SLC35F1: variants seen among roughly 807,000 people sequenced by gnomAD.
SLC35F1 encodes solute carrier family 35 member F1.
SLC35F1 carries 14 observed loss-of-function variants against 48.7 expected under a neutral mutation model. The ratio of observed to expected loss-of-function variants is 0.29; its 90% CI spans 0.19 to 0.45. SLC35F1 has a LOEUF of 0.45. Ranked by LOEUF, SLC35F1 falls within the 20% of genes least tolerant of loss-of-function variation. The pLI, the probability that SLC35F1 is intolerant of heterozygous loss-of-function variation, is 1.00. For missense variants in SLC35F1, 404 were observed against 500.0 expected, an observed-to-expected ratio of 0.81 and a Z score of 1.83; for synonymous variants, 190 against 202.2, an observed-to-expected ratio of 0.94 and a Z score of 0.51.
intron 3 of SLC35F1, among the ~76,000 whole-genome samples, chr6:118,259,510 A>T (rs946107264): frequency 1.3e-5 from 2 of 152,090 alleles, no homozygotes; most frequent in Non-Finnish European, 2.9e-5. Flanking sequence ...AAATGATTAA[A>T]ATAGTACTTT....
At chr6:117,983,434 G>A (rs111609365) in intron 1 of SLC35F1, among the ~76,000 whole-genome samples, 3,338 of 152,204 alleles carry the variant, frequency 0.022, 131 homozygotes, top group African/African-American at 0.075. Context: ...AAAATTAGTC[G>A]GGTGTGGTGG....
At chr6:118,001,637 A>G (rs1777096522) in intron 1 of SLC35F1, among the ~76,000 whole-genome samples, 1 of 152,072 alleles carries the variant, frequency 6.6e-6, no homozygotes, top group African/African-American at 2.4e-5. Flanking sequence ...GCACAGCAAA[A>G]GAAACTACCA....
chr6:118,299,007 T>C (rs1187461730), intron 7 of SLC35F1, among the ~76,000 whole-genome samples: 4 of 152,032 alleles, frequency 2.6e-5, no homozygotes, highest in Non-Finnish European at 5.9e-5. Context: ...ACACCTCATC[T>C]CTACAAACAT....
intron 1 of SLC35F1, among the ~76,000 whole-genome samples, chr6:118,042,961 T>C (rs1350335201): frequency 6.6e-6 from 1 of 152,160 alleles, no homozygotes; most frequent in Non-Finnish European, 1.5e-5. Flanking sequence ...TAACAGGTCA[T>C]GTTGGAAATT....
chr6:118,061,613 A>G (rs533697641), intron 1 of SLC35F1, among the ~76,000 whole-genome samples: 1 of 121,698 alleles, frequency 8.2e-6, no homozygotes, highest in South Asian at 2.4e-4. Context: ...TATGTTTGGT[A>G]TCTTCTTATA....
chr6:118,169,089 C>T (rs956125821), intron 2 of SLC35F1, among the ~76,000 whole-genome samples: 9 of 152,182 alleles, frequency 5.9e-5, no homozygotes, highest in African/African-American at 1.9e-4. Context: ...ATTACCATAT[C>T]ATAGTATTCT....
At chr6:118,184,734 G>A (rs539361768) in intron 2 of SLC35F1, among the ~76,000 whole-genome samples, 30 of 152,294 alleles carry the variant, frequency 2.0e-4, no homozygotes, top group African/African-American at 7.2e-4. Flanking sequence ...GAACTTCGGG[G>A]CACATCCAGA....
At chr6:117,953,308 T>G (rs900278840) in intron 1 of SLC35F1, among the ~76,000 whole-genome samples, 1 of 152,202 alleles carries the variant, frequency 6.6e-6, no homozygotes, top group East Asian at 1.9e-4. Context: ...ATGTTGACAT[T>G]TTCTTACACA....
chr6:118,072,192 G>A (rs1208655677), intron 1 of SLC35F1, among the ~76,000 whole-genome samples: 1 of 152,148 alleles, frequency 6.6e-6, no homozygotes, highest in African/African-American at 2.4e-5. Flanking sequence ...AGATGGTTAT[G>A]TTTAATTTCC....
intron 3 of SLC35F1, among the ~76,000 whole-genome samples, chr6:118,250,253 C>T (rs771758905): frequency 3.9e-5 from 6 of 152,130 alleles, no homozygotes; most frequent in Non-Finnish European, 8.8e-5. Context: ...TCACCACTGA[C>T]GTAACTAATT....
chr6:117,914,044 C>G (rs1273317354), intron 1 of SLC35F1, among the ~76,000 whole-genome samples: 1 of 152,000 alleles, frequency 6.6e-6, no homozygotes, highest in African/African-American at 2.4e-5. Context: ...GAGTGAAACT[C>G]CATCTCAAAA....
At chr6:118,275,667 T>C (rs745668326) in intron 5 of SLC35F1, 52 bp downstream of exon 5, 2 of 1,552,960 alleles carry the variant, frequency 1.3e-6, no homozygotes, top group Non-Finnish European at 1.8e-6. Flanking sequence ...TCAAGACTTA[T>C]TCTTACAATT....
At chr6:117,938,839 A>G (rs965940884) in intron 1 of SLC35F1, among the ~76,000 whole-genome samples, 6 of 151,836 alleles carry the variant, frequency 4.0e-5, no homozygotes, top group Non-Finnish European at 5.9e-5. Flanking sequence ...ACTGAATGCT[A>G]TCCCCCTCCC....
chr6:117,934,453 T>C (rs564356678), intron 1 of SLC35F1, among the ~76,000 whole-genome samples: 110 of 152,338 alleles, frequency 7.2e-4, no homozygotes, highest in African/African-American at 2.5e-3. Flanking sequence ...TTTTTAGATA[T>C]ACTTAATAGT....
chr6:118,110,126 G>T (rs1009864993), intron 1 of SLC35F1, among the ~76,000 whole-genome samples: 1 of 152,128 alleles, frequency 6.6e-6, no homozygotes, highest in African/African-American at 2.4e-5. Context: ...ATCTCTTGGT[G>T]GCTTTTATAA....
intron 3 of SLC35F1, among the ~76,000 whole-genome samples, 183 bp from the exon 4 acceptor site, chr6:118,266,812 A>G (rs1261111108): frequency 6.6e-6 from 1 of 152,208 alleles, no homozygotes; most frequent in Non-Finnish European, 1.5e-5. Context: ...TAAGTAAATA[A>G]ATAAAGCTAA....
chr6:117,917,824 T>C (rs903739956), intron 1 of SLC35F1, among the ~76,000 whole-genome samples: 3 of 121,078 alleles, frequency 2.5e-5, no homozygotes, highest in Non-Finnish European at 5.9e-5. Context: ...CCTGGATGCA[T>C]GTGTAGATAG....
intron 1 of SLC35F1, among the ~76,000 whole-genome samples, chr6:118,127,823 A>G (rs1324883204): frequency 2.0e-5 from 3 of 151,172 alleles, no homozygotes; most frequent in Non-Finnish European, 4.5e-5. Flanking sequence ...ATCTAATTAA[A>G]CTAAAGAGCT....
chr6:117,924,830 T>A (rs912621952), intron 1 of SLC35F1, among the ~76,000 whole-genome samples: 1 of 152,162 alleles, frequency 6.6e-6, no homozygotes, highest in African/African-American at 2.4e-5. Flanking sequence ...ATATCATTTG[T>A]ATTGCCTCTG....
Sources: gnomAD v4.1 joint callset for allele counts (sites outside exome capture counted in the v4.1 genomes callset) on GRCh38, gnomAD v4.1.1 for gene constraint, MANE v1.5 for transcripts, NCBI Gene and HGNC (gene_info 2026-07-23, HGNC 2026-07-21) for gene names.